Variants in ABLIM2 observed in about 807,000 individuals in gnomAD.
The protein encoded by ABLIM2 is actin-binding LIM protein 2.
A neutral mutation model predicts 97.7 loss-of-function variants in ABLIM2; 53 were observed. The observed-to-expected ratio is 0.54, with a 90% CI of 0.44 to 0.68. The LOEUF (loss-of-function observed/expected upper bound fraction) is 0.68. ABLIM2 is among the 30% of genes least tolerant of loss of function. The probability of loss-of-function intolerance (pLI) is 0.00; values close to 1 mark genes in which losing one functional copy is unlikely to be tolerated. For synonymous variants in ABLIM2, 361 were observed against 345.8 expected, an observed-to-expected ratio of 1.04 and a Z score of -0.49; for missense variants, 835 against 867.2, an observed-to-expected ratio of 0.96 and a Z score of 0.47.
At chr4:8,013,692 C>T (rs1766661989) in intron 14 of ABLIM2, among the ~76,000 whole-genome samples, 1 of 152,230 alleles carries the variant, frequency 6.6e-6, no homozygotes, top group South Asian at 2.1e-4. Context: ...CTCCACGTCA[C>T]ACGTGTAAAT....
chr4:8,121,381 T>A (rs1003602431), intron 1 of ABLIM2, among the ~76,000 whole-genome samples: 6 of 152,204 alleles, frequency 3.9e-5, no homozygotes, highest in African/African-American at 1.2e-4. Flanking sequence ...CTCCAGTCGC[T>A]GGCCCAGGCG....
Position 7,999,768 on chromosome 4 carries a change from G to T in ABLIM2, c.1619-6841C>A, listed in dbSNP as rs2150153055. Among the ~76,000 whole-genome samples, 1 of 152,298 alleles carries T rather than the reference G, an allele frequency of 6.6e-6. No homozygotes were observed. The highest frequency in any genetic ancestry group is 1.9e-4 in the East Asian group (1 of 5,170). ...ACATGAGGCTCTGCAGGCACCAGAG[G>T]CCTACCCACTCCATGCCCAGGCTCA... On this transcript the variant is annotated intron_variant, in intron 16 of 20. Coordinates refer to ENST00000447017, the MANE Select transcript of ABLIM2 (RefSeq NM_001130083.2). This position sits in a 1 kb window ranked among gnomAD's most constrained non-coding sequence, Gnocchi z 4.4.
In ABLIM2 at chr4:8,149,948, C is replaced by T. The variant is rs1235023781; in HGVS notation, c.10+8732G>A. The stretch of plus-strand genomic sequence containing the variant: ...GAGTGGTGGCCCCCATCCAAATGCC[C>T]CCTCCTGGCTTCCCCTCCCTTCCCC... On this transcript the variant is annotated intron_variant, in intron 1 of 20. Coordinates refer to ENST00000447017, the MANE Select transcript of ABLIM2 (RefSeq NM_001130083.2). The surrounding 1 kb of genome is among the most constrained non-coding windows in gnomAD (Gnocchi z 6.4). 6.6e-6 allele frequency among the ~76,000 whole-genome samples: 1 copy of T among 152,098 alleles called. No homozygotes were observed. Among genetic ancestry groups the T allele is most frequent in the Admixed American group, 6.5e-5 (1 of 15,270 alleles).
chr4:8,134,891 A>T (rs948462492), intron 1 of ABLIM2, among the ~76,000 whole-genome samples: 5 of 152,260 alleles, frequency 3.3e-5, no homozygotes, highest in Non-Finnish European at 1.5e-5. Context: ...GTGCAAAGAC[A>T]TACGTGTGAG....
rs985567600 is a variant in ABLIM2, at chr4:8,123,812, G to A, written c.11-17175C>T. Among the ~76,000 whole-genome samples the A allele has an allele frequency of 6.6e-6, 1 of 152,116 alleles. No individual in the cohort carries two copies. Among genetic ancestry groups the A allele is most frequent in the Non-Finnish European group, 1.5e-5 (1 of 68,042 alleles). ...GGGTGACAAGGTCCTGGCTCCACCC[G>A]GACAGGCCAAGAGGAGGGGCAGGAG... On this transcript the variant is annotated intron_variant, in intron 1 of 20. Transcript: ENST00000447017. This position sits in a 1 kb window ranked among gnomAD's most constrained non-coding sequence, Gnocchi z 6.2.
At chr4:8,039,894 T>TTTTC (rs1553989809) in intron 9 of ABLIM2, among the ~76,000 whole-genome samples, 5 of 145,542 alleles carry the variant, frequency 3.4e-5, no homozygotes, top group Non-Finnish European at 4.5e-5. Context: ...TTTTTTTTTT[T>TTTTC]TTAATAAATG....
chr4:8,108,274 C>A (rs933849895), intron 1 of ABLIM2, among the ~76,000 whole-genome samples: 2 of 152,252 alleles, frequency 1.3e-5, no homozygotes, highest in African/African-American at 4.8e-5. Flanking sequence ...CAAGGACCAC[C>A]GCAGTGCGGC....
intron 2 of ABLIM2, 80 bp from the exon 3 acceptor site, chr4:8,097,362 C>T (rs1269588829): frequency 2.0e-6 from 3 of 1,484,752 alleles, no homozygotes; most frequent in East Asian, 2.5e-5. Flanking sequence ...GCACCCCCCT[C>T]CACACACACA....
rs571529071 is a variant in ABLIM2 at position 8,123,692 on chromosome 4, C to A, written c.11-17055G>T. 2.0e-5 allele frequency among the ~76,000 whole-genome samples: 3 copies of A among 152,182 alleles called. No individual in the cohort carries two copies. The highest frequency in any genetic ancestry group is 4.4e-5 in the Non-Finnish European group (3 of 68,038). ...AAGCGGGTCTCCTGGGGGCGTCATC[C>A]TTGTACTGACAGGGTCCGGCTCACA... On this transcript the variant is annotated intron_variant, in intron 1 of 20. Coordinates refer to ENST00000447017, the MANE Select transcript of ABLIM2 (RefSeq NM_001130083.2). The surrounding 1 kb of genome is among the most constrained non-coding windows in gnomAD (Gnocchi z 6.2).
At chr4:7,976,513 C>T (rs1041804170) in intron 20 of ABLIM2, among the ~76,000 whole-genome samples, 5 of 152,198 alleles carry the variant, frequency 3.3e-5, no homozygotes, top group Non-Finnish European at 5.9e-5. Context: ...ATCCAGGGCC[C>T]TGCAGGGCCT....
At chr4:8,008,910 C>T (rs1419319616) in intron 15 of ABLIM2, 140 bp downstream of exon 15, 3 of 894,524 alleles carry the variant, frequency 3.4e-6, no homozygotes, top group African/African-American at 1.7e-5. Flanking sequence ...GATGGAAGGG[C>T]CTCCTACCTT....
At position 8,106,544 on chromosome 4, in the gene ABLIM2, A is replaced by C; in HGVS notation, c.104T>G (p.Val35Gly). The change falls in exon 2 of 21, where the codon GTG becomes GGG. Residue 35 changes from valine (V) to glycine (G), a missense_variant. Coordinates refer to ENST00000447017, the MANE Select transcript of ABLIM2 (RefSeq NM_001130083.2). ...NTCGNVCKGE[V>G]LRVQDKYFHI... ...GAAGTACTTGTCCTGCACCCGCAGC[A>C]CCTCGCCCTTGCACACATTCCCACA... The C allele has an allele frequency of 6.2e-7, 1 of 1,605,614 alleles. No homozygotes were observed. The highest frequency in any genetic ancestry group is 8.5e-7 in the Non-Finnish European group (1 of 1,176,486).
intron 4 of ABLIM2, among the ~76,000 whole-genome samples, chr4:8,081,079 T>C (rs545892348): frequency 1.4e-3 from 215 of 152,186 alleles, no homozygotes; most frequent in African/African-American, 5.0e-3. Flanking sequence ...ACAGAGGTCC[T>C]GTCTTGCAGG....
intron 12 of ABLIM2, among the ~76,000 whole-genome samples, chr4:8,026,754 C>A (rs1438453410): frequency 6.6e-6 from 1 of 152,260 alleles, no homozygotes; most frequent in East Asian, 1.9e-4. Flanking sequence ...GTGCTGGAGG[C>A]TGCACATCTC....
rs894882802 is a variant in ABLIM2, at chr4:7,986,832, C to T, written c.1681-1939G>A. On this transcript the variant is annotated intron_variant, in intron 17 of 20. Coordinates refer to ENST00000447017, the MANE Select transcript of ABLIM2 (RefSeq NM_001130083.2). This position sits in a 1 kb window ranked among gnomAD's most constrained non-coding sequence, Gnocchi z 4.3. ...GGATTACAGGCGCCTACCACCACGG[C>T]GAGATAATTTTTGTATTTTTAGTAG... Among the ~76,000 whole-genome samples, 1 of 152,068 alleles carries T rather than the reference C, an allele frequency of 6.6e-6. No individual in the cohort carries two copies. Among genetic ancestry groups the T allele is most frequent in the Non-Finnish European group, 1.5e-5 (1 of 68,022 alleles).
intron 3 of ABLIM2, among the ~76,000 whole-genome samples, chr4:8,089,731 TCAAAAAAA>T (rs1826092876): frequency 4.5e-5 from 1 of 22,242 alleles, no homozygotes; most frequent in African/African-American, 2.1e-4. Context: ...GAGATTCATA[TCAAAAAAA>T]AAAAAAAAAA....
rs372203232 is a variant in ABLIM2, at chr4:8,140,864, A to T, written c.10+17816T>A. Among the ~76,000 whole-genome samples, 37 of 152,198 alleles carry T rather than the reference A, an allele frequency of 2.4e-4. 1 individual carries two copies. The South Asian group carries it at 4.2e-3, about 17-fold the overall frequency. On this transcript the variant is annotated intron_variant, in intron 1 of 20. Coordinates refer to ENST00000447017, the MANE Select transcript of ABLIM2 (RefSeq NM_001130083.2). This position sits in a 1 kb window ranked among gnomAD's most constrained non-coding sequence, Gnocchi z 5.9. ...GTGGCTGCCAAGAAGAGCTATGAAG[A>T]ATTAGAAGCTGGACCAATGCAGAGG...
intron 1 of ABLIM2, among the ~76,000 whole-genome samples, chr4:8,154,175 G>A (rs1578576247): frequency 6.6e-6 from 1 of 151,436 alleles, no homozygotes; most frequent in Admixed American, 6.6e-5. Context: ...TGTTAGCCAG[G>A]ATGGTCTCCA....
At chr4:7,993,857 C>T (rs945641926) in intron 16 of ABLIM2, 29 of 471,406 alleles carry the variant, frequency 6.2e-5, no homozygotes, top group Middle Eastern at 3.2e-4. Context: ...CAGCCCCCAC[C>T]GAGCTCCCTC....
Sources: gnomAD v4.1 joint callset for allele counts (sites outside exome capture counted in the v4.1 genomes callset) on GRCh38, gnomAD v4.1.1 for gene constraint, Gnocchi (gnomAD v3.1) non-coding constraint, MANE v1.5 for transcripts, NCBI Gene and HGNC (gene_info 2026-07-23, HGNC 2026-07-21) for gene names.